MAPT: variants seen among roughly 807,000 people sequenced by gnomAD.
MAPT encodes microtubule associated protein tau, also known as microtubule-associated protein tau.
MAPT carries 34 observed loss-of-function variants against 67.9 expected under a neutral mutation model. The ratio of observed to expected loss-of-function variants is 0.50; its 90% CI spans 0.38 to 0.67. The LOEUF is 0.67. Ranked by LOEUF, MAPT falls within the 30% of genes least tolerant of loss-of-function variation. MAPT has a pLI of 0.00. For synonymous variants in MAPT, 456 were observed against 464.5 expected (o/e 0.98, Z 0.23); for missense variants, 881 against 1,115.2 (o/e 0.79, Z 2.99).
At chr17:45,927,003 A>C (rs1255692751) in intron 1 of MAPT, among the ~76,000 whole-genome samples, 1 of 151,718 alleles carries the variant, frequency 6.6e-6, no homozygotes, top group East Asian at 1.9e-4. Context: ...ACATACACAT[A>C]TATATACACA....
intron 8 of MAPT, among the ~76,000 whole-genome samples, chr17:45,993,709 A>T (rs1184761055): frequency 6.6e-6 from 1 of 152,124 alleles, no homozygotes; most frequent in Admixed American, 6.5e-5. Context: ...ACACTTTGTA[A>T]CAACCTGAAA....
At chr17:45,956,573 TA>T (rs2069704212) in intron 1 of MAPT, among the ~76,000 whole-genome samples, 383 of 24,548 alleles carry the variant, frequency 0.016, 9 homozygotes, top group East Asian at 0.062. Flanking sequence ...TATATATATA[TA>T]TATATATATA....
In MAPT at chr17:45,995,718, G is replaced by A. The variant is rs538695128; in HGVS notation, c.1733-681G>A. On this transcript the variant is annotated intron_variant, in intron 8 of 12. Transcript: ENST00000262410. The surrounding 1 kb of genome is among the most constrained non-coding windows in gnomAD (Gnocchi z 4.3). ...ACGTCAGGGCACAGCAGCATGAAGC[G>A]GTATGGCTCGTGTGGACAGCTAGGG... Among the ~76,000 whole-genome samples, 199 of 152,300 alleles carry A rather than the reference G, an allele frequency of 1.3e-3. 1 individual carries two copies. Among genetic ancestry groups the A allele is most frequent in the African/African-American group, 4.6e-3 (191 of 41,560 alleles).
At chr17:46,018,785 A>G (rs2076346372) in intron 12 of MAPT, 55 bp downstream of exon 12, 1 of 1,251,600 alleles carries the variant, frequency 8.0e-7, no homozygotes, top group Non-Finnish European at 1.2e-6. Flanking sequence ...GCATTAATCA[A>G]GTTGAGTGGA....
At position 45,983,866 on chromosome 17, in the gene MAPT, C is replaced by G. The variant is rs772857557; in HGVS notation, c.1287C>G (p.Pro429=). The part of the protein sequence containing the change: ...EDTKEADLPE[P]SEKQPAAAPR... ...CAAAAGAGGCTGACCTTCCAGAGCC[C>G]TCTGAAAAGCAGCCTGCTGCTGCTC... The change falls in exon 5 of 13, where the codon CCC becomes CCG. Residue 429 remains proline, a synonymous_variant. Coordinates refer to ENST00000262410, the MANE Select transcript of MAPT (RefSeq NM_001377265.1). The G allele has an allele frequency of 6.3e-7, 1 of 1,599,840 alleles. No individual in the cohort carries two copies.
At chr17:45,941,350 C>G (rs1295916085) in intron 1 of MAPT, among the ~76,000 whole-genome samples, 1 of 152,096 alleles carries the variant, frequency 6.6e-6, no homozygotes, top group Non-Finnish European at 1.5e-5. Context: ...TTTCTTAAGG[C>G]TCTTGGAAGA....
rs555700012 is a variant in MAPT, at chr17:45,929,215, A to T, written c.-17-33106A>T. On this transcript the variant is annotated intron_variant, in intron 1 of 12. Transcript: ENST00000262410. ...CATATTTCATGAAATTTCATGTTTC[A>T]TTTCAATCAAGCTCTGTCATACACC... Among the ~76,000 whole-genome samples the T allele has an allele frequency of 3.9e-5, 6 of 152,314 alleles. No homozygotes were observed. The South Asian group carries it at 1.2e-3, about 32-fold the overall frequency.
intron 1 of MAPT, among the ~76,000 whole-genome samples, chr17:45,960,717 C>A (rs1035032103): frequency 6.6e-6 from 1 of 151,952 alleles, no homozygotes; most frequent in East Asian, 1.9e-4. Flanking sequence ...CTTTGAGAGG[C>A]GGATATGGGA....
intron 1 of MAPT, among the ~76,000 whole-genome samples, chr17:45,919,075 A>AG (rs1291766015): frequency 2.0e-5 from 3 of 152,072 alleles, no homozygotes; most frequent in African/African-American, 7.2e-5. Flanking sequence ...AAAAAAAAAA[A>AG]AAAAGAAAAG....
intron 1 of MAPT, among the ~76,000 whole-genome samples, chr17:45,943,027 T>G (rs1041560505): frequency 3.9e-5 from 6 of 152,204 alleles, no homozygotes; most frequent in Non-Finnish European, 8.8e-5. Context: ...CAGACAGAAT[T>G]CGGAGATGTG....
chr17:45,903,230 G>C (rs1467965), intron 1 of MAPT, among the ~76,000 whole-genome samples: 1 of 152,182 alleles, frequency 6.6e-6, no homozygotes, highest in Non-Finnish European at 1.5e-5. Flanking sequence ...TCCTGAATTG[G>C]AGCCAGCGTT....
Position 45,983,453 on chromosome 17 carries a change from G to A in MAPT, c.874G>A (p.Glu292Lys), listed in dbSNP as rs2073193780. The A allele has an allele frequency of 1.9e-6, 3 of 1,607,430 alleles. No individual in the cohort carries two copies. Among genetic ancestry groups the A allele is most frequent in the Admixed American group, 1.7e-5 (1 of 59,718 alleles). Reference sequence around the variant, plus strand: ...CAAAGAGAGGCCGGGGAGCAAGGAGGAGGTGGATGAAGACCGCGACGTCGA... The same window carrying A: ...CAAAGAGAGGCCGGGGAGCAAGGAGAAGGTGGATGAAGACCGCGACGTCGA... The part of the protein sequence containing the change: ...GGKERPGSKE[E>K]VDEDRDVDES... Residue 292 changes from glutamate to lysine, a missense_variant, in exon 5 of 13, where the codon GAG (glutamate) becomes AAG (lysine). Around this residue, in one of 6 missense-constraint regions of MAPT, gnomAD observed 687 missense variants for 766.1 expected, o/e 0.90. Coordinates refer to ENST00000262410, the MANE Select transcript of MAPT (RefSeq NM_001377265.1).
At chr17:45,928,046 C>CA (rs1172146101) in intron 1 of MAPT, among the ~76,000 whole-genome samples, 4 of 145,984 alleles carry the variant, frequency 2.7e-5, no homozygotes. Context: ...AGCACTTTGG[C>CA]AACTCCATCT....
intron 1 of MAPT, among the ~76,000 whole-genome samples, chr17:45,937,763 T>G (rs1486915080): frequency 6.6e-6 from 1 of 152,154 alleles, no homozygotes; most frequent in Non-Finnish European, 1.5e-5. Flanking sequence ...TGTACCATTT[T>G]GCTTGAGCAT....
chr17:45,978,120 G>A (rs1040419365), intron 3 of MAPT: 1 of 530,632 alleles, frequency 1.9e-6, no homozygotes, highest in Non-Finnish European at 3.4e-6. Context: ...GTCCCAAAGT[G>A]GAGAAAGTCT....
rs533317624 is a variant in MAPT, at chr17:45,992,852, T to C, written c.1732+1266T>C. Among the ~76,000 whole-genome samples, 319 of 149,782 alleles carry C rather than the reference T, an allele frequency of 2.1e-3. 3 individuals carry two copies. Among genetic ancestry groups the C allele is most frequent in the Non-Finnish European group, 4.0e-3 (272 of 67,740 alleles). On this transcript the variant is annotated intron_variant, in intron 8 of 12. Transcript: ENST00000262410. Reference sequence around the variant, plus strand: ...GTTGCAGTGAGCTGAGATCGCACCATTGCACTCCAGCCTGGATGACAAAAG... The same window carrying C: ...GTTGCAGTGAGCTGAGATCGCACCACTGCACTCCAGCCTGGATGACAAAAG...
At chr17:46,006,941 TAA>T (rs2075473644) in intron 9 of MAPT, among the ~76,000 whole-genome samples, 1 of 142,904 alleles carries the variant, frequency 7.0e-6, no homozygotes, top group African/African-American at 2.6e-5. Context: ...AAAAATAAAA[TAA>T]AATAAAATAA....
intron 1 of MAPT, among the ~76,000 whole-genome samples, chr17:45,946,729 C>G (rs1011293455): frequency 3.3e-5 from 5 of 150,424 alleles, no homozygotes; most frequent in Middle Eastern, 3.2e-3. Context: ...ATTGGCTATT[C>G]CAGTAGTTAC....
chr17:45,987,532 A>G (rs1383517174), intron 6 of MAPT, among the ~76,000 whole-genome samples: 1 of 152,220 alleles, frequency 6.6e-6, no homozygotes, highest in Admixed American at 6.5e-5. Context: ...TACTGTCTCA[A>G]TGACTGGGGA....
Sources: gnomAD v4.1 joint callset for allele counts (sites outside exome capture counted in the v4.1 genomes callset) on GRCh38, gnomAD v4.1.1 for gene constraint, gnomAD v4.1.1 regional missense constraint, Gnocchi (gnomAD v3.1) non-coding constraint, MANE v1.5 for transcripts, NCBI Gene and HGNC (gene_info 2026-07-23, HGNC 2026-07-21) for gene names.